GPR137B: variants seen among roughly 807,000 people sequenced by gnomAD.
GPR137B encodes integral membrane protein GPR137B.
Under a neutral mutation model 42.5 loss-of-function variants are expected in GPR137B, and 42 were observed. The observed-to-expected ratio is 0.99, with a 90% CI of 0.77 to 1.28. The LOEUF is 1.28. Among genes scored for constraint, GPR137B ranks in the 50% most tolerant of loss-of-function variants. The probability of loss-of-function intolerance (pLI) is 0.00; values close to 1 mark genes in which losing one functional copy is unlikely to be tolerated. For synonymous variants in GPR137B, 218 were observed against 209.7 expected (o/e 1.04, Z -0.34); for missense variants, 487 against 493.9 (o/e 0.99, Z 0.13).
chr1:236,188,129 T>C (rs1156568361), intron 5 of GPR137B, among the ~76,000 whole-genome samples: 2 of 152,068 alleles, frequency 1.3e-5, no homozygotes, highest in Non-Finnish European at 2.9e-5. Flanking sequence ...TGGCTCTCTG[T>C]TATTGGTGTA....
At position 236,173,838 on chromosome 1, in the gene GPR137B, G is replaced by A. The variant is rs543396329; in HGVS notation, c.465-4576G>A. Among the ~76,000 whole-genome samples the A allele has an allele frequency of 5.9e-5, 9 of 152,068 alleles. No homozygotes were observed. The South Asian group carries it at 1.7e-3, about 28-fold the overall frequency. ...AACTCTCTCGCCACACCTCCAGATC[G>A]CTCCCTTTCTACCACAGCTGCAGGC... On this transcript the variant is annotated intron_variant, in intron 2 of 6. Coordinates refer to ENST00000366592, the MANE Select transcript of GPR137B (RefSeq NM_003272.4).
At chr1:236,198,584 C>T (rs1663407960) in intron 5 of GPR137B, among the ~76,000 whole-genome samples, 1 of 152,190 alleles carries the variant, frequency 6.6e-6, no homozygotes, top group African/African-American at 2.4e-5. Flanking sequence ...AATATTGATT[C>T]TACCCATCTG....
At chr1:236,184,963 T>G (rs35118557) in intron 5 of GPR137B, among the ~76,000 whole-genome samples, 34,737 of 151,880 alleles carry the variant, frequency 0.23, 4,150 homozygotes, top group East Asian at 0.32. Context: ...GACAGGGTTT[T>G]ACTATGTTGG....
intron 5 of GPR137B, among the ~76,000 whole-genome samples, chr1:236,194,155 C>A (rs888417479): frequency 6.6e-6 from 1 of 152,174 alleles, no homozygotes; most frequent in Non-Finnish European, 1.5e-5. Flanking sequence ...TAGGGGTCAA[C>A]AACTGATACT....
intron 1 of GPR137B, among the ~76,000 whole-genome samples, chr1:236,163,796 T>C (rs1425809374): frequency 6.6e-6 from 1 of 152,196 alleles, no homozygotes; most frequent in Non-Finnish European, 1.5e-5. Context: ...GTCTCAGATA[T>C]GTCTTCATCA....
Position 236,142,575 on chromosome 1 carries a change from C to G in GPR137B, c.-48C>G, listed in dbSNP as rs1246539131. 2 of 1,123,056 alleles carry G rather than the reference C, an allele frequency of 1.8e-6. No individual in the cohort carries two copies. Among genetic ancestry groups the G allele is most frequent in the African/African-American group, 1.6e-5 (1 of 60,936 alleles). 69.6% of individuals were successfully genotyped at this position (1,123,056 alleles called of 1,614,324 possible). ...TCCAGTCTCGGGGCTGCAGGCTGAG[C>G]GCGATGCGCGGAGACCCCCGCGGGG... is the stretch of plus-strand genomic sequence containing the variant. On this transcript the variant is annotated 5_prime_UTR_variant, in exon 1 of 7. Coordinates refer to ENST00000366592, the MANE Select transcript of GPR137B (RefSeq NM_003272.4).
intron 5 of GPR137B, among the ~76,000 whole-genome samples, chr1:236,202,821 TGTA>T (rs1269171237): frequency 6.6e-6 from 1 of 152,226 alleles, no homozygotes; most frequent in Non-Finnish European, 1.5e-5. Flanking sequence ...AATGTTTTCT[TGTA>T]GTAGTTTCAC....
intron 3 of GPR137B, 149 bp downstream of exon 3, chr1:236,178,785 G>GGTTTTTTTTTT (rs1662771288): frequency 2.7e-4 from 13 of 48,324 alleles, no homozygotes; most frequent in African/African-American, 8.5e-4. Flanking sequence ...GCTACTCGAG[G>GGTTTTTTTTTT]TTTTTTTTTT....
At chr1:236,144,442 C>T (rs1661627539) in intron 1 of GPR137B, among the ~76,000 whole-genome samples, 1 of 152,056 alleles carries the variant, frequency 6.6e-6, no homozygotes, top group South Asian at 2.1e-4. Flanking sequence ...ACAAAAAAAA[C>T]AAAGTAGGAA....
At chr1:236,176,493 G>A (rs1037121376) in intron 2 of GPR137B, among the ~76,000 whole-genome samples, 4 of 152,070 alleles carry the variant, frequency 2.6e-5, no homozygotes, top group African/African-American at 9.7e-5. Flanking sequence ...GCTGCTTGGG[G>A]GCCCGGGCTG....
chr1:236,206,669 T>C (rs761284264), intron 6 of GPR137B, among the ~76,000 whole-genome samples: 3 of 152,194 alleles, frequency 2.0e-5, no homozygotes, highest in Admixed American at 6.5e-5. Context: ...CACCCCAGGA[T>C]TCCAAGTTTT....
At chr1:236,184,569 A>G (rs920836941) in intron 5 of GPR137B, among the ~76,000 whole-genome samples, 2 of 152,174 alleles carry the variant, frequency 1.3e-5, no homozygotes, top group South Asian at 4.1e-4. Context: ...AAGTACAGTG[A>G]GTGGATTTGG....
rs144835522 is a variant in GPR137B, at chr1:236,204,839, T to C, written c.967-287T>C. On this transcript the variant is annotated intron_variant, in intron 5 of 6. Transcript: ENST00000366592. ...CATTTCTTCTAGATTTTACAGTTTA[T>C]TGGCATATAGTTACTCATCATCTAG... is the stretch of plus-strand genomic sequence containing the variant. Among the ~76,000 whole-genome samples, 948 of 152,296 alleles carry C rather than the reference T, an allele frequency of 6.2e-3. 8 individuals carry two copies. The highest frequency in any genetic ancestry group is 8.5e-3 in the Non-Finnish European group (576 of 68,028).
At position 236,155,638 on chromosome 1, in the gene GPR137B, G is replaced by A. The variant is rs1662002029; in HGVS notation, c.414+12602G>A. Among the ~76,000 whole-genome samples the A allele has an allele frequency of 6.6e-6, 1 of 152,134 alleles. No homozygotes were observed. Among genetic ancestry groups the A allele is most frequent in the African/African-American group, 2.4e-5 (1 of 41,428 alleles). Reference sequence around the variant, plus strand: ...GTTCTGCCTTCTGGGTGGCCAGCCTGTGTTGGCGCCGTTGGATGGAGTGAA... The same window carrying A: ...GTTCTGCCTTCTGGGTGGCCAGCCTATGTTGGCGCCGTTGGATGGAGTGAA... On this transcript the variant is annotated intron_variant, in intron 1 of 6. Coordinates refer to ENST00000366592, the MANE Select transcript of GPR137B (RefSeq NM_003272.4). The surrounding 1 kb of genome is among the most constrained non-coding windows in gnomAD (Gnocchi z 4.6).
intron 5 of GPR137B, among the ~76,000 whole-genome samples, chr1:236,193,431 A>G (rs1663251131): frequency 6.6e-6 from 1 of 152,014 alleles, no homozygotes. Flanking sequence ...TCTGAGTGTC[A>G]CTTTCTGAAA....
At position 236,142,694 on chromosome 1, in the gene GPR137B, C is replaced by T; in HGVS notation, c.72C>T (p.Ala24=). ...TGGAGACCCCGCCGTGGGACCCAGC[C>T]CGCAACGACTCGCTGCCGCCCACGC... ...GPMETPPWDP[A]RNDSLPPTLT... The change falls in exon 1 of 7, where the codon GCC becomes GCT. Residue 24 remains alanine, a synonymous_variant. Coordinates refer to ENST00000366592, the MANE Select transcript of GPR137B (RefSeq NM_003272.4). 6.3e-7 allele frequency: 1 copy of T among 1,585,464 alleles called. No individual in the cohort carries two copies. The highest frequency in any genetic ancestry group is 2.3e-5 in the East Asian group (1 of 43,460).
At chr1:236,181,090 G>A (rs1662858693) in intron 4 of GPR137B, among the ~76,000 whole-genome samples, 1 of 151,988 alleles carries the variant, frequency 6.6e-6, no homozygotes, top group Admixed American at 6.6e-5. Context: ...TTTTTTTAAT[G>A]GAGCACGTAC....
chr1:236,171,970 T>C lies in GPR137B; in HGVS notation c.464+3215T>C, dbSNP rs972345306. ...AGGAGAATCACTTGAACCCAGGAGG[T>C]TGAGGTTGCAGTGAGCCGAGATTGT... On this transcript the variant is annotated intron_variant, in intron 2 of 6. Coordinates refer to ENST00000366592, the MANE Select transcript of GPR137B (RefSeq NM_003272.4). This position sits in a 1 kb window ranked among gnomAD's most constrained non-coding sequence, Gnocchi z 4.4. Among the ~76,000 whole-genome samples the C allele has an allele frequency of 2.6e-5, 4 of 151,122 alleles. No homozygotes were observed. The highest frequency in any genetic ancestry group is 6.6e-5 in the Admixed American group (1 of 15,150).
At chr1:236,182,690 G>A (rs990362509) in intron 4 of GPR137B, among the ~76,000 whole-genome samples, 23 of 152,170 alleles carry the variant, frequency 1.5e-4, no homozygotes, top group Admixed American at 1.4e-3. Flanking sequence ...AGGTGTGATC[G>A]CACCACTGCA....
Sources: gnomAD v4.1 joint callset for allele counts (sites outside exome capture counted in the v4.1 genomes callset) on GRCh38, gnomAD v4.1.1 for gene constraint, Gnocchi (gnomAD v3.1) non-coding constraint, MANE v1.5 for transcripts, NCBI Gene and HGNC (gene_info 2026-07-23, HGNC 2026-07-21) for gene names.